Variants in CRLF2 observed in about 807,000 individuals in gnomAD.
CRLF2 encodes the protein cytokine receptor like factor 2.
Under a neutral mutation model 38.7 loss-of-function variants are expected in CRLF2, and 41 were observed. That is an observed-to-expected ratio of 1.06 (90% confidence interval 0.83 to 1.37). The LOEUF is 1.37. Ranked by LOEUF, CRLF2 falls within the 40% of genes most tolerant of loss-of-function variation. The probability of loss-of-function intolerance (pLI) is 0.00; values close to 1 mark genes in which losing one functional copy is unlikely to be tolerated. For missense variants in CRLF2, 377 were observed against 322.2 expected (o/e 1.17, Z -1.30); for synonymous variants, 140 against 128.8 (o/e 1.09, Z -0.59).
intron 1 of CRLF2, 138 bp downstream of exon 1, chrX:1,212,418 G>GAAAAAAAAAA (rs369256719): frequency 3.9e-4 from 168 of 430,192 alleles, no homozygotes; most frequent in East Asian, 8.2e-4. Flanking sequence ...CTTGAACCCG[G>GAAAAAAAAAA]AAAAAAAAAA....
In CRLF2 at chrX:1,196,626, G is replaced by A. The variant is rs144049807; in HGVS notation, c.767+154C>T. ...GTGAGCCACCATGCCCAGCCCCTCCGAAATTTCTTATAATCCACCATCAGA... is the reference window on the plus strand; with the variant it reads ...GTGAGCCACCATGCCCAGCCCCTCCAAAATTTCTTATAATCCACCATCAGA... On this transcript the variant is annotated intron_variant, in intron 6 of 7. Transcript: ENST00000400841. 8.2e-4 allele frequency: 848 copies of A among 1,033,162 alleles called. 4 individuals carry two copies. The African/African-American group carries it at 0.012, about 14-fold the overall frequency. 64.0% of individuals were successfully genotyped at this position (1,033,162 alleles called of 1,614,324 possible).
chrX:1,192,434 GA>G (rs1223921350), intron 7 of CRLF2, among the ~76,000 whole-genome samples: 2 of 150,718 alleles, frequency 1.3e-5, no homozygotes, highest in African/African-American at 2.4e-5. Context: ...ACAACATGGT[GA>G]AAAAACCCAT....
intron 7 of CRLF2, among the ~76,000 whole-genome samples, chrX:1,192,714 TTC>T (rs1191293844): frequency 2.5e-5 from 1 of 40,414 alleles, no homozygotes; most frequent in African/African-American, 2.0e-4. Flanking sequence ...TTTCTTTTCT[TTC>T]TTTCTTTCTT....
intron 3 of CRLF2, among the ~76,000 whole-genome samples, chrX:1,204,150 C>CTGTGTGTGTGTGTGTGTGTGTGTG (rs782552615): frequency 0.1 from 12,637 of 124,284 alleles, 938 homozygotes; most frequent in Non-Finnish European, 0.14. Context: ...CCAGCTCACT[C>CTGTGTGTGTGTGTGTGTGTGTGTG]TGTGTGTGTG....
chrX:1,191,769 G>C (rs1228664183), intron 7 of CRLF2, among the ~76,000 whole-genome samples: 1 of 151,634 alleles, frequency 6.6e-6, no homozygotes, highest in Non-Finnish European at 1.5e-5. Context: ...GACCTCAGGT[G>C]ATCCACCCGA....
At chrX:1,210,115 AG>A (rs1392089074) in intron 1 of CRLF2, among the ~76,000 whole-genome samples, 6,619 of 126,804 alleles carry the variant, frequency 0.052, 560 homozygotes, top group African/African-American at 0.15. Flanking sequence ...AAAAAAAAAA[AG>A]AAAAGAAAAG....
rs752151884 is a variant in CRLF2 at position 1,202,411 on chromosome X, G to A, written c.474C>T (p.Thr158=). The A allele has an allele frequency of 2.0e-5, 33 of 1,613,454 alleles. No homozygotes were observed. The highest frequency in any genetic ancestry group is 5.0e-5 in the Admixed American group (3 of 59,976). Residue 158 remains threonine (T), a synonymous_variant, in exon 4 of 8, where the codon ACC becomes ACT. Coordinates refer to ENST00000400841, the MANE Select transcript of CRLF2 (RefSeq NM_022148.4). ...CGGCCGCCCGGCTCACCTGCCACTC[G>A]GTGTCGAAGGGGCTCCGGTACTGAA... The part of the protein sequence containing the change: ...YEVQYRSPFD[T]EWQSKQENTC...
intron 3 of CRLF2, 133 bp from the exon 4 acceptor site, chrX:1,202,668 CT>C (rs2086629298): frequency 5.8e-6 from 6 of 1,039,368 alleles, no homozygotes; most frequent in Non-Finnish European, 8.7e-6. Flanking sequence ...TTCACCCGTC[CT>C]CATTACTTTT....
chrX:1,197,314 G>T (rs1426017588), intron 5 of CRLF2, among the ~76,000 whole-genome samples: 5 of 150,098 alleles, frequency 3.3e-5, no homozygotes, highest in Non-Finnish European at 1.5e-5. Context: ...GAATGTTAGT[G>T]TCAGCAAATT....
intron 2 of CRLF2, among the ~76,000 whole-genome samples, chrX:1,206,942 CTTTT>C (rs766628411): frequency 8.8e-4 from 102 of 115,646 alleles, no homozygotes; most frequent in Non-Finnish European, 1.2e-3. Context: ...ACCACACCGG[CTTTT>C]TTTTTTTTTT....
chrX:1,200,550 GT>G (rs2086585190), intron 4 of CRLF2, among the ~76,000 whole-genome samples: 8 of 145,040 alleles, frequency 5.5e-5, no homozygotes, highest in African/African-American at 2.0e-4. Flanking sequence ...ATATGTGTGG[GT>G]ATATATATGT....
chrX:1,202,751 G>A (rs1178811148), intron 3 of CRLF2, among the ~76,000 whole-genome samples: 2 of 151,948 alleles, frequency 1.3e-5, no homozygotes, highest in South Asian at 2.1e-4. Context: ...AAAATTCTGC[G>A]GAAAATGTCC....
intron 4 of CRLF2, 44 bp from the exon 5 acceptor site, chrX:1,198,768 C>CACAG: frequency 7.3e-7 from 1 of 1,372,914 alleles, no homozygotes; most frequent in South Asian, 1.2e-5. Context: ...CACACACACA[C>CACAG]ACACACACAC....
chrX:1,212,635 G>A lies in CRLF2; in HGVS notation c.-1C>T. 1 of 1,607,798 alleles carries A rather than the reference G, an allele frequency of 6.2e-7. No homozygotes were observed. Among genetic ancestry groups the A allele is most frequent in the Non-Finnish European group, 8.5e-7 (1 of 1,174,726 alleles). ...CCCACAGCAGAACCAGCCGCCCCAT[G>A]CCTGAAACAGGAGTGGAGAGTGAGG... On this transcript the variant is annotated 5_prime_UTR_variant, in exon 1 of 8. Coordinates refer to ENST00000400841, the MANE Select transcript of CRLF2 (RefSeq NM_022148.4).
Position 1,207,560 on chromosome X carries a change from C to G in CRLF2, c.183-961G>C, listed in dbSNP as rs1219428369. ...ATAACAGGCATGAGCCAACACCCCC[C>G]CCAAGAACTGCCCCTTTTACAGAGG... is the stretch of plus-strand genomic sequence containing the variant. On this transcript the variant is annotated intron_variant, in intron 2 of 7. Transcript: ENST00000400841. Among the ~76,000 whole-genome samples the G allele has an allele frequency of 6.1e-5, 9 of 147,018 alleles. No homozygotes were observed. The East Asian group carries it at 8.1e-4, about 13-fold the overall frequency.
intron 3 of CRLF2, among the ~76,000 whole-genome samples, chrX:1,203,259 G>C (rs368092118): frequency 4.1e-4 from 62 of 152,224 alleles, no homozygotes; most frequent in South Asian, 3.7e-3. Flanking sequence ...AGACACAGAG[G>C]AGGAGGCCAC....
chrX:1,196,710 CT>C lies in CRLF2; in HGVS notation c.767+69del, dbSNP rs1378329888. 4.4e-5 allele frequency: 69 copies of C among 1,570,164 alleles called. No homozygotes were observed. The African/African-American group carries it at 8.6e-4, about 20-fold the overall frequency. ...GAAATGACTCTATCAGGCGATTAATCTTTTTTCGTACTTCACAGACATTGTG... is the reference window on the plus strand; with the variant it reads ...GAAATGACTCTATCAGGCGATTAATCTTTTTCGTACTTCACAGACATTGTG... On this transcript the variant is annotated intron_variant, in intron 6 of 7. Transcript: ENST00000400841.
intron 7 of CRLF2, among the ~76,000 whole-genome samples, chrX:1,192,744 CT>C (rs1170746402): frequency 8.6e-6 from 1 of 116,942 alleles, no homozygotes; most frequent in Non-Finnish European, 1.8e-5. Context: ...TTCTTTCTTT[CT>C]TTCTTTCTTT....
At chrX:1,200,163 C>CTGTATATAAGCTG (rs1384961114) in intron 4 of CRLF2, among the ~76,000 whole-genome samples, 1 of 147,418 alleles carries the variant, frequency 6.8e-6, no homozygotes, top group Non-Finnish European at 1.5e-5. Flanking sequence ...GTATATATAC[C>CTGTATATAAGCTG]TGTATATAAG....
Sources: gnomAD v4.1 joint callset for allele counts (sites outside exome capture counted in the v4.1 genomes callset) on GRCh38, gnomAD v4.1.1 for gene constraint, MANE v1.5 for transcripts, NCBI Gene and HGNC (gene_info 2026-07-23, HGNC 2026-07-21) for gene names.